Variants in ZFHX3 observed in about 807,000 individuals in gnomAD.
The protein encoded by ZFHX3 is zinc finger homeobox protein 3.
A neutral mutation model predicts 279.1 loss-of-function variants in ZFHX3; 42 were observed. That is an observed-to-expected ratio of 0.15 (90% CI 0.12 to 0.19). ZFHX3 has a LOEUF of 0.19. Ranked by LOEUF, ZFHX3 falls within the 10% of genes least tolerant of loss-of-function variation. The pLI is 1.00. For missense variants in ZFHX3, 4,981 were observed against 4,754.0 expected (o/e 1.05, Z -1.40); for synonymous variants, 2,293 against 1,957.8 (o/e 1.17, Z -4.52).
intron 1 of ZFHX3, among the ~76,000 whole-genome samples, chr16:73,033,671 C>G (rs1964792103): frequency 1.3e-5 from 2 of 152,142 alleles, no homozygotes; most frequent in African/African-American, 4.8e-5. Context: ...TTTTTCCTGC[C>G]TGCCAGGAGG....
chr16:73,848,049 G>A (rs148126438), intron 1 of ZFHX3, among the ~76,000 whole-genome samples: 178 of 150,848 alleles, frequency 1.2e-3, no homozygotes, highest in African/African-American at 3.8e-3. Flanking sequence ...GTGAGCCACC[G>A]CGCCCGGCCA....
intron 1 of ZFHX3, among the ~76,000 whole-genome samples, chr16:73,026,348 G>C (rs188416198): frequency 6.6e-6 from 1 of 150,402 alleles, no homozygotes; most frequent in Non-Finnish European, 1.5e-5. Context: ...ACTCCAGGCT[G>C]GGGGGCAGAG....
At chr16:73,853,730 T>G (rs1017901173) in intron 1 of ZFHX3, among the ~76,000 whole-genome samples, 1 of 152,134 alleles carries the variant, frequency 6.6e-6, no homozygotes, top group African/African-American at 2.4e-5. Context: ...CCAGGTACAA[T>G]GTTGACTATT....
chr16:73,470,296 C>T (rs939029775), intron 2 of ZFHX3, among the ~76,000 whole-genome samples: 5 of 152,126 alleles, frequency 3.3e-5, no homozygotes, highest in African/African-American at 4.8e-5. Flanking sequence ...TAAGCAAGCC[C>T]GTCCCGGACA....
intron 4 of ZFHX3, among the ~76,000 whole-genome samples, chr16:73,271,847 G>T (rs550487276): frequency 1.1e-4 from 17 of 152,292 alleles, no homozygotes; most frequent in African/African-American, 3.8e-4. Context: ...TGCTGATGGG[G>T]CATTGTCTCA....
chr16:72,953,653 T>A (rs772895563), intron 2 of ZFHX3, among the ~76,000 whole-genome samples: 7 of 151,992 alleles, frequency 4.6e-5, no homozygotes, highest in Non-Finnish European at 1.0e-4. Context: ...CTGGAGTGGG[T>A]CACTGCAGTC....
chr16:73,660,618 G>T (rs2052771894), intron 2 of ZFHX3, among the ~76,000 whole-genome samples: 1 of 151,882 alleles, frequency 6.6e-6, no homozygotes, highest in South Asian at 2.1e-4. Flanking sequence ...GTTGTATATG[G>T]CTCATAAGGG....
intron 2 of ZFHX3, among the ~76,000 whole-genome samples, chr16:73,644,741 G>A (rs575810372): frequency 1.3e-5 from 2 of 152,238 alleles, no homozygotes; most frequent in South Asian, 4.2e-4. Flanking sequence ...CTCCAGGACT[G>A]CACGCATTAC....
At position 72,788,320 on chromosome 16, in the gene ZFHX3, T is replaced by C; in HGVS notation, c.9956A>G (p.Tyr3319Cys). Residue 3319 changes from tyrosine (Y) to cysteine (C), a missense_variant, in exon 10 of 10, where the codon TAT (tyrosine) becomes TGT (cysteine). Transcript: ENST00000268489. ...PYFVPGFSPY[Y>C]APQIPGALQS... Reference sequence around the variant, plus strand: ...CAGGGCGCCAGGGATCTGGGGAGCATAATAAGGAGAAAAGCCTGGTACAAA... The same window carrying C: ...CAGGGCGCCAGGGATCTGGGGAGCACAATAAGGAGAAAAGCCTGGTACAAA... The C allele has an allele frequency of 8.1e-6, 13 of 1,614,056 alleles. No homozygotes were observed. The highest frequency in any genetic ancestry group is 1.0e-5 in the Non-Finnish European group (12 of 1,180,000).
At chr16:72,790,496 T>C (rs976500490) in intron 9 of ZFHX3, 5 of 152,170 alleles carry the variant, frequency 3.3e-5, no homozygotes, top group Admixed American at 2.6e-4. Flanking sequence ...AGACTGCAGA[T>C]TTCTGGCTAT....
intron 2 of ZFHX3, among the ~76,000 whole-genome samples, chr16:73,479,712 G>T (rs2018831013): frequency 6.6e-6 from 1 of 152,210 alleles, no homozygotes; most frequent in Admixed American, 6.5e-5. Context: ...AATGGGAAAT[G>T]ATTGAATGAA....
At chr16:73,877,198 A>AGTTG (rs2029977684) in intron 1 of ZFHX3, among the ~76,000 whole-genome samples, 13 of 38,736 alleles carry the variant, frequency 3.4e-4, no homozygotes, top group African/African-American at 1.6e-3. Context: ...TCGGGGGGTT[A>AGTTG]GGTCGGGGGG....
At position 72,786,586 on chromosome 16, in the gene ZFHX3, A is replaced by AC. The variant is rs1416594235; in HGVS notation, c.*577_*578insG. The AC allele has an allele frequency of 8.0e-5, 11 of 138,310 alleles. No individual in the cohort carries two copies. The highest frequency in any genetic ancestry group is 1.3e-4 in the Non-Finnish European group (8 of 61,500). The allele number at this position is 138,310 out of a possible 1,614,324, so 8.6% of individuals were successfully genotyped here. ...AAAACAAAAAATCTTTTCTGGAACA[A>AC]AAAAAAAAAAAAAAACTGAAAAAAC... is the stretch of plus-strand genomic sequence containing the variant. On this transcript the variant is annotated 3_prime_UTR_variant, in exon 10 of 10. Coordinates refer to ENST00000268489, the MANE Select transcript of ZFHX3 (RefSeq NM_006885.4).
At chr16:73,310,947 C>A (rs1404452668) in intron 4 of ZFHX3, among the ~76,000 whole-genome samples, 1 of 152,080 alleles carries the variant, frequency 6.6e-6, no homozygotes, top group Non-Finnish European at 1.5e-5. Flanking sequence ...AACACAAACA[C>A]CCCAGCCAGG....
chr16:73,226,722 A>G (rs1166288443), intron 5 of ZFHX3, among the ~76,000 whole-genome samples: 1 of 152,120 alleles, frequency 6.6e-6, no homozygotes, highest in East Asian at 1.9e-4. Flanking sequence ...GGTACTTCCC[A>G]CCTTAATCTT....
intron 2 of ZFHX3, among the ~76,000 whole-genome samples, chr16:73,514,215 C>T (rs891257910): frequency 1.3e-5 from 2 of 151,680 alleles, no homozygotes; most frequent in African/African-American, 2.4e-5. Flanking sequence ...GCCCCTGCAC[C>T]CCAGCCTGGG....
At chr16:73,793,642 G>A (rs1198658862) in intron 1 of ZFHX3, among the ~76,000 whole-genome samples, 1 of 152,074 alleles carries the variant, frequency 6.6e-6, no homozygotes, top group Non-Finnish European at 1.5e-5. Context: ...TCATTCAAGT[G>A]GCTTTCTTTA....
chr16:73,580,371 G>A (rs188206296), intron 2 of ZFHX3, among the ~76,000 whole-genome samples: 19 of 152,026 alleles, frequency 1.2e-4, no homozygotes, highest in African/African-American at 4.1e-4. Flanking sequence ...CCAACTGCTC[G>A]GGAGGCTGAG....
intron 1 of ZFHX3, among the ~76,000 whole-genome samples, chr16:73,715,041 G>C (rs2053401203): frequency 6.6e-6 from 1 of 152,090 alleles, no homozygotes; most frequent in Non-Finnish European, 1.5e-5. Context: ...CCATGAAGTT[G>C]CAGCTACCTC....
Sources: gnomAD v4.1 joint callset for allele counts (sites outside exome capture counted in the v4.1 genomes callset) on GRCh38, gnomAD v4.1.1 for gene constraint, MANE v1.5 for transcripts, NCBI Gene and HGNC (gene_info 2026-07-23, HGNC 2026-07-21) for gene names.